The following LVRN variants were observed in gnomAD, a reference collection of about 807,000 sequenced individuals.
LVRN encodes the protein aminopeptidase Q.
LVRN carries 99 observed loss-of-function variants against 111.4 expected under a neutral mutation model. The observed-to-expected ratio is 0.89, with a 90% CI of 0.76 to 1.05. The LOEUF (loss-of-function observed/expected upper bound fraction) is 1.05, where lower values mean the gene tolerates loss of function less well. Among genes scored for constraint, LVRN ranks in the 50% least tolerant of loss-of-function variants. LVRN has a pLI of 0.00. For synonymous variants in LVRN, 488 were observed against 449.5 expected, an observed-to-expected ratio of 1.09 and a Z score of -1.08; for missense variants, 1,414 against 1,206.8, an observed-to-expected ratio of 1.17 and a Z score of -2.54.
chr5:115,971,657 A>T (rs1753330609), intron 1 of LVRN, among the ~76,000 whole-genome samples: 1 of 152,056 alleles, frequency 6.6e-6, no homozygotes, highest in Non-Finnish European at 1.5e-5. Context: ...TTGATTGTCT[A>T]GTCTGTTCTA....
chr5:115,985,089 T>C (rs1418948299), intron 3 of LVRN, among the ~76,000 whole-genome samples: 1 of 152,126 alleles, frequency 6.6e-6, no homozygotes, highest in African/African-American at 2.4e-5. Context: ...TCTTGAAGCT[T>C]GGGTGATACT....
At chr5:115,988,021 C>G in intron 4 of LVRN, 82 bp downstream of exon 4, 1 of 1,510,134 alleles carries the variant, frequency 6.6e-7, no homozygotes, top group Non-Finnish European at 8.9e-7. Flanking sequence ...CACAGACAAA[C>G]CCATAAGGAT....
intron 15 of LVRN, among the ~76,000 whole-genome samples, chr5:116,012,808 G>A (rs978934238): frequency 4.6e-5 from 7 of 152,184 alleles, no homozygotes; most frequent in African/African-American, 7.2e-5. Context: ...GTTGAAGGGC[G>A]TGGGAAAGCC....
chr5:116,019,636 T>C (rs1748672067), intron 18 of LVRN, among the ~76,000 whole-genome samples: 1 of 152,238 alleles, frequency 6.6e-6, no homozygotes, highest in Non-Finnish European at 1.5e-5. Context: ...TGTTTTTGCT[T>C]TTTAATGTGT....
In LVRN at chr5:115,985,606, G is replaced by A. The variant is rs76795100; in HGVS notation, c.978+897G>A. Among the ~76,000 whole-genome samples, 97 of 152,256 alleles carry A rather than the reference G, an allele frequency of 6.4e-4. No homozygotes were observed. In the East Asian group the frequency reaches 0.014, roughly 22 times the overall value. On this transcript the variant is annotated intron_variant, in intron 3 of 19. Coordinates refer to ENST00000357872, the MANE Select transcript of LVRN (RefSeq NM_173800.5). ...TAGTCAGAAGTTACATAGTGGATTAGCATTTAAAATAAAGTCACTCTTGTC... is the reference window on the plus strand; with the variant it reads ...TAGTCAGAAGTTACATAGTGGATTAACATTTAAAATAAAGTCACTCTTGTC...
intron 1 of LVRN, among the ~76,000 whole-genome samples, chr5:115,979,594 A>T (rs1315001040): frequency 1.3e-5 from 2 of 152,124 alleles, no homozygotes; most frequent in Admixed American, 1.3e-4. Context: ...ATGTTTTGGC[A>T]CCTTTCTCTG....
Position 116,012,463 on chromosome 5 carries a change from A to C in LVRN, c.2337A>C (p.Leu779Phe). 6.6e-7 allele frequency: 1 copy of C among 1,523,900 alleles called. No individual in the cohort carries two copies. The highest frequency in any genetic ancestry group is 9.0e-7 in the Non-Finnish European group (1 of 1,111,704). 94.4% of individuals were successfully genotyped at this position (1,523,900 alleles called of 1,614,324 possible). A position where few individuals can be genotyped will look rare whatever the true frequency, so the allele number is the denominator to read the frequency against. Reference sequence around the variant, plus strand: ...TGTTGGCATTACAAGATGACTACTTAGCTCTGTAAGTATGTTTTCAGAAGT... The same window carrying C: ...TGTTGGCATTACAAGATGACTACTTCGCTCTGTAAGTATGTTTTCAGAAGT... ...ENVLALQDDY[L>F]ALISLEKLFV... Residue 779 changes from leucine to phenylalanine, a missense_variant, in exon 15 of 20, where the codon TTA becomes TTC. Coordinates refer to ENST00000357872, the MANE Select transcript of LVRN (RefSeq NM_173800.5).
intron 1 of LVRN, chr5:115,976,421 A>T (rs1753450702): frequency 6.6e-6 from 1 of 151,616 alleles, no homozygotes; most frequent in African/African-American, 2.4e-5. Context: ...TTCTCTATTG[A>T]TTTTCTGTTT....
intron 13 of LVRN, among the ~76,000 whole-genome samples, chr5:116,008,606 A>T (rs75697342): frequency 1.3e-3 from 52 of 40,668 alleles, no homozygotes; most frequent in Non-Finnish European, 1.2e-3. Flanking sequence ...ATGAATGATT[A>T]AAAAAAAAAA....
At chr5:115,969,122 T>C (rs913275500) in intron 1 of LVRN, among the ~76,000 whole-genome samples, 2 of 152,204 alleles carry the variant, frequency 1.3e-5, no homozygotes, top group African/African-American at 2.4e-5. Flanking sequence ...AATATAGCCT[T>C]TGTGTACAGG....
Position 116,003,283 on chromosome 5 carries a change from G to A in LVRN, c.1940G>A (p.Trp647Ter), listed in dbSNP as rs1453228684. ...CAAGTTTCAGATTCTGACCATGACT[G>A]GGTGATTTTGAATTTGAATATGACT... ...EMQVSDSDHD[W>*]VILNLNMTGY... Residue 647 changes from tryptophan to a stop codon, truncating the protein, a stop_gained, in exon 12 of 20, where the codon TGG becomes TAG. Coordinates refer to ENST00000357872, the MANE Select transcript of LVRN (RefSeq NM_173800.5). LOFTEE classifies it high-confidence loss of function. 6 of 1,581,084 alleles carry A rather than the reference G, an allele frequency of 3.8e-6. No individual in the cohort carries two copies. Among genetic ancestry groups the A allele is most frequent in the Admixed American group, 3.7e-5 (2 of 54,216 alleles).
intron 4 of LVRN, among the ~76,000 whole-genome samples, chr5:115,989,180 C>T (rs539674046): frequency 3.3e-5 from 5 of 152,126 alleles, no homozygotes; most frequent in Non-Finnish European, 7.3e-5. Context: ...CTCTGTAAAA[C>T]CTCTGTGTGA....
At chr5:115,990,579 A>G (rs904711223) in intron 4 of LVRN, among the ~76,000 whole-genome samples, 3 of 151,962 alleles carry the variant, frequency 2.0e-5, no homozygotes, top group Admixed American at 6.6e-5. Context: ...ATTTTTATGT[A>G]TTCATTTTTT....
chr5:115,983,679 A>C (rs191247445), intron 2 of LVRN, among the ~76,000 whole-genome samples: 1 of 152,184 alleles, frequency 6.6e-6, no homozygotes, highest in Non-Finnish European at 1.5e-5. Context: ...CCTGCCACTT[A>C]GTTTGGGCTT....
chr5:116,008,077 C>A (rs973588566), intron 13 of LVRN, among the ~76,000 whole-genome samples: 18 of 152,118 alleles, frequency 1.2e-4, no homozygotes, highest in Non-Finnish European at 4.4e-5. Flanking sequence ...TGTGGTGGCT[C>A]ATGCCTGTAA....
At chr5:115,993,647 T>A (rs1193141692) in intron 5 of LVRN, 94 bp from the exon 6 acceptor site, 8 of 798,748 alleles carry the variant, frequency 1.0e-5, no homozygotes, top group Non-Finnish European at 1.6e-5. Context: ...TAATTATGTC[T>A]TTTGACCTTA....
At chr5:116,007,080 T>G (rs1279681117) in intron 13 of LVRN, among the ~76,000 whole-genome samples, 1 of 152,212 alleles carries the variant, frequency 6.6e-6, no homozygotes, top group East Asian at 1.9e-4. Flanking sequence ...CCACTTTCAC[T>G]GCTCCCACAC....
In LVRN at chr5:116,003,264, T is replaced by G; in HGVS notation, c.1921T>G (p.Ser641Ala). Reference sequence around the variant, plus strand: ...AGAAGTATTCCCAGAAATGCAAGTTTCAGATTCTGACCATGACTGGGTGAT... The same window carrying G: ...AGAAGTATTCCCAGAAATGCAAGTTGCAGATTCTGACCATGACTGGGTGAT... ...SSKVFPEMQVSDSDHDWVILN... is the reference protein window; with the variant it reads ...SSKVFPEMQVADSDHDWVILN... The change falls in exon 12 of 20, where the codon TCA becomes GCA. Residue 641 changes from serine (S) to alanine (A), a missense_variant. Ser to Ala is a moderately conservative substitution (Grantham distance 99). Transcript: ENST00000357872. The G allele has an allele frequency of 6.3e-7, 1 of 1,579,522 alleles. No homozygotes were observed. The highest frequency in any genetic ancestry group is 8.6e-7 in the Non-Finnish European group (1 of 1,163,952).
At chr5:116,002,639 A>G (rs1163803793) in intron 10 of LVRN, among the ~76,000 whole-genome samples, 196 bp from the exon 11 acceptor site, 1 of 152,224 alleles carries the variant, frequency 6.6e-6, no homozygotes, top group African/African-American at 2.4e-5. Flanking sequence ...AGGAGAGAGG[A>G]GTAAACAATA....
Sources: allele counts gnomAD v4.1 joint callset (sites outside exome capture counted in the v4.1 genomes callset), GRCh38; gene constraint gnomAD v4.1.1; transcripts MANE v1.5; gene names NCBI Gene and HGNC (gene_info 2026-07-23, HGNC 2026-07-21).